Variants in PROZ observed in about 807,000 individuals in gnomAD.
The protein encoded by PROZ is vitamin K-dependent protein Z.
Under a neutral mutation model 34.9 loss-of-function variants are expected in PROZ, and 46 were observed. That is an observed-to-expected ratio of 1.32 (90% CI 1.04 to 1.69). The LOEUF (loss-of-function observed/expected upper bound fraction) is 1.69, where lower values mean the gene tolerates loss of function less well. PROZ is among the 40% of genes most tolerant of loss of function. The probability of loss-of-function intolerance (pLI) is 0.00; values close to 1 mark genes in which losing one functional copy is unlikely to be tolerated. For synonymous variants in PROZ, 195 were observed against 208.5 expected (o/e 0.94, Z 0.56); for missense variants, 530 against 520.4 (o/e 1.02, Z -0.18).
intron 6 of PROZ, among the ~76,000 whole-genome samples, chr13:113,165,717 G>A (rs1447675856): frequency 6.6e-6 from 1 of 152,090 alleles, no homozygotes. Context: ...TTTTAGTAGA[G>A]ACGGGGTTTC....
At chr13:113,161,242 G>C (rs1254105368) in intron 3 of PROZ, among the ~76,000 whole-genome samples, 3 of 152,228 alleles carry the variant, frequency 2.0e-5, no homozygotes, top group African/African-American at 7.2e-5. Flanking sequence ...ATGGGCCACA[G>C]GCCAGGAGGG....
chr13:113,163,952 A>C (rs1273653764), intron 4 of PROZ, among the ~76,000 whole-genome samples: 1 of 145,462 alleles, frequency 6.9e-6, no homozygotes. Flanking sequence ...TAGAAGTGTC[A>C]TCACTCATGG....
intron 3 of PROZ, among the ~76,000 whole-genome samples, chr13:113,161,758 C>T (rs1357861032): frequency 6.6e-6 from 1 of 150,996 alleles, no homozygotes; most frequent in Admixed American, 6.6e-5. Context: ...CACCCCCTGC[C>T]CCCCCGTCCT....
intron 6 of PROZ, among the ~76,000 whole-genome samples, chr13:113,168,025 G>A (rs545332731): frequency 1.3e-5 from 2 of 152,194 alleles, no homozygotes; most frequent in South Asian, 2.1e-4. Flanking sequence ...ACATCCGCTC[G>A]CTGTAGCATG....
At chr13:113,163,380 C>T (rs924683050) in intron 4 of PROZ, among the ~76,000 whole-genome samples, 2 of 146,994 alleles carry the variant, frequency 1.4e-5, no homozygotes, top group Non-Finnish European at 3.0e-5. Flanking sequence ...CCCCTCTCCT[C>T]CCCCCACCAC....
At chr13:113,165,659 T>C (rs900345417) in intron 6 of PROZ, among the ~76,000 whole-genome samples, 8 of 152,170 alleles carry the variant, frequency 5.3e-5, no homozygotes, top group Non-Finnish European at 5.9e-5. Flanking sequence ...ACCTCCTGAG[T>C]AGCTGGGATT....
intron 6 of PROZ, among the ~76,000 whole-genome samples, chr13:113,165,750 C>T (rs1405944768): frequency 6.6e-6 from 1 of 152,170 alleles, no homozygotes; most frequent in African/African-American, 2.4e-5. Context: ...AGGATGGTCT[C>T]GAATGCCTGA....
intron 2 of PROZ, 22 bp from the exon 3 acceptor site, chr13:113,160,925 AT>A (rs1328139601): frequency 6.3e-7 from 1 of 1,587,110 alleles, no homozygotes; most frequent in East Asian, 2.2e-5. Flanking sequence ...CATTTGTAAC[AT>A]TTTTATGTTT....
chr13:113,166,330 G>A (rs749223518), intron 6 of PROZ: 2 of 152,180 alleles, frequency 1.3e-5, no homozygotes, highest in Non-Finnish European at 2.9e-5. Context: ...TTTGGAATCT[G>A]GTGTGAATTT....
chr13:113,170,867 C>T (rs2037089791), intron 7 of PROZ, among the ~76,000 whole-genome samples: 1 of 151,824 alleles, frequency 6.6e-6, no homozygotes, highest in South Asian at 2.1e-4. Flanking sequence ...AATCCCCCAG[C>T]AGTTGAGACC....
chr13:113,168,431 G>T (rs1023210607), intron 6 of PROZ, among the ~76,000 whole-genome samples: 8 of 152,228 alleles, frequency 5.3e-5, no homozygotes, highest in African/African-American at 1.7e-4. Flanking sequence ...CTGGCGCAGA[G>T]CCCCAGGCTG....
Position 113,164,962 on chromosome 13 carries a change from G to A in PROZ, c.506-91G>A, listed in dbSNP as rs574209737. 6.4e-5 allele frequency: 82 copies of A among 1,281,368 alleles called. No individual in the cohort carries two copies. In the African/African-American group the frequency reaches 1.0e-3, roughly 16 times the overall value. The allele number at this position is 1,281,368 out of a possible 1,614,324, so 79.4% of individuals were successfully genotyped here. ...GATTATAATGGTTAGTACCATAGACGGAATTATGCAACGGTTAACACCATA... is the reference window on the plus strand; with the variant it reads ...GATTATAATGGTTAGTACCATAGACAGAATTATGCAACGGTTAACACCATA... On this transcript the variant is annotated intron_variant, in intron 5 of 7. Transcript: ENST00000375547.
chr13:113,163,817 T>G lies in PROZ; in HGVS notation c.373+695T>G, dbSNP rs571086755. Among the ~76,000 whole-genome samples, 82 of 151,590 alleles carry G rather than the reference T, an allele frequency of 5.4e-4. 1 individual carries two copies. The South Asian group carries it at 7.1e-3, about 13-fold the overall frequency. On this transcript the variant is annotated intron_variant, in intron 4 of 7. Transcript: ENST00000375547. ...ATCCCAGCTGCTCAGCCACCACCGA[T>G]GTCACACTAACCCCCTCCCATCCCA... is the stretch of plus-strand genomic sequence containing the variant.
chr13:113,167,945 T>G (rs1253371025), intron 6 of PROZ, among the ~76,000 whole-genome samples: 1 of 152,214 alleles, frequency 6.6e-6, no homozygotes, highest in Non-Finnish European at 1.5e-5. Context: ...GGTTCTTTGT[T>G]GGCGGTTGCT....
At position 113,159,447 on chromosome 13, in the gene PROZ, C is replaced by A. The variant is rs896766092; in HGVS notation, c.71-567C>A. On this transcript the variant is annotated intron_variant, in intron 1 of 7. Transcript: ENST00000375547. The surrounding 1 kb of genome is among the most constrained non-coding windows in gnomAD (Gnocchi z 4.6). ...AGAAAAGGAGGGAGGATGGGAAGGG[C>A]CTGGGCTTTGACCCTCCCGGAGAGG... Among the ~76,000 whole-genome samples, 9 of 152,012 alleles carry A rather than the reference C, an allele frequency of 5.9e-5. No homozygotes were observed. The highest frequency in any genetic ancestry group is 8.8e-5 in the Non-Finnish European group (6 of 67,990).
Position 113,159,168 on chromosome 13 carries a change from C to T in PROZ, c.70+438C>T, listed in dbSNP as rs2036717463. ...AGGAGACATAGCCAGGGAGCAGCCACCCTGCCTGCCTGCCACCCTTCTACC... is the reference window on the plus strand; with the variant it reads ...AGGAGACATAGCCAGGGAGCAGCCATCCTGCCTGCCTGCCACCCTTCTACC... On this transcript the variant is annotated intron_variant, in intron 1 of 7. Transcript: ENST00000375547. The surrounding 1 kb of genome is among the most constrained non-coding windows in gnomAD (Gnocchi z 4.6). 6.9e-7 allele frequency: 1 copy of T among 1,457,556 alleles called. No individual in the cohort carries two copies. The highest frequency in any genetic ancestry group is 9.4e-7 in the Non-Finnish European group (1 of 1,062,306). The allele number at this position is 1,457,556 out of a possible 1,614,324, so 90.3% of individuals were successfully genotyped here. A position where few individuals can be genotyped will look rare whatever the true frequency, so the allele number is the denominator to read the frequency against.
At chr13:113,170,745 G>A (rs562116100) in intron 7 of PROZ, among the ~76,000 whole-genome samples, 30 of 152,012 alleles carry the variant, frequency 2.0e-4, no homozygotes, top group Admixed American at 6.6e-5. Context: ...ACTCACACTC[G>A]GCAAGGGAGG....
Position 113,165,073 on chromosome 13 carries a change from C to T in PROZ, c.526C>T (p.Leu176=). Residue 176 remains leucine (L), a synonymous_variant, in exon 6 of 8, where the codon CTG becomes TTG. Coordinates refer to ENST00000375547, the MANE Select transcript of PROZ (RefSeq NM_003891.3). ...TGCAGACCAGTGTGCCTGCGGGGTG[C>T]TGACCTCTGAGAAGCGTGCACCGGA... The part of the protein sequence containing the change: ...VPHDQCACGV[L]TSEKRAPDLQ... 1 of 1,613,168 alleles carries T rather than the reference C, an allele frequency of 6.2e-7. No homozygotes were observed.
intron 6 of PROZ, among the ~76,000 whole-genome samples, chr13:113,167,688 T>C (rs1034474255): frequency 6.6e-6 from 1 of 152,212 alleles, no homozygotes; most frequent in Non-Finnish European, 1.5e-5. Flanking sequence ...ATAAATAAGG[T>C]ACATGTTTTA....
Sources: allele counts gnomAD v4.1 joint callset (sites outside exome capture counted in the v4.1 genomes callset), GRCh38; gene constraint gnomAD v4.1.1; non-coding constraint Gnocchi (gnomAD v3.1); transcripts MANE v1.5; gene names NCBI Gene and HGNC (gene_info 2026-07-23, HGNC 2026-07-21).